The following PPP2R2B variants were observed in gnomAD, a reference collection of about 807,000 sequenced individuals.
PPP2R2B encodes the protein serine/threonine-protein phosphatase 2A 55 kDa regulatory subunit B beta isoform.
In PPP2R2B, 5 loss-of-function variants were observed where a neutral mutation model predicts 46.0. That is an observed-to-expected ratio of 0.11 (90% CI 0.06 to 0.23). The LOEUF is 0.23. Ranked by LOEUF, PPP2R2B falls within the 10% of genes least tolerant of loss-of-function variation. PPP2R2B has a pLI of 1.00. For missense variants in PPP2R2B, 367 were observed against 575.0 expected (o/e 0.64, Z 3.70); for synonymous variants, 215 against 206.7 (o/e 1.04, Z -0.34).
chr5:146,973,464 G>A (rs534805199), intron 1 of PPP2R2B, among the ~76,000 whole-genome samples: 6 of 152,316 alleles, frequency 3.9e-5, no homozygotes, highest in South Asian at 2.1e-4. Context: ...AGCAGCAGCC[G>A]AAGGGCAGCG....
chr5:147,028,423 G>C (rs1447721478), intron 1 of PPP2R2B, among the ~76,000 whole-genome samples: 1 of 151,874 alleles, frequency 6.6e-6, no homozygotes, highest in African/African-American at 2.4e-5. Context: ...AACACCTTTG[G>C]ATTCCTACCT....
chr5:146,621,605 G>T (rs80172036), intron 7 of PPP2R2B, among the ~76,000 whole-genome samples: 2 of 152,160 alleles, frequency 1.3e-5, no homozygotes, highest in African/African-American at 4.8e-5. Context: ...GAATTAACCA[G>T]AGTGGAGCCA....
intron 1 of PPP2R2B, among the ~76,000 whole-genome samples, chr5:146,982,412 C>T (rs555167514): frequency 2.6e-5 from 4 of 152,242 alleles, no homozygotes; most frequent in Admixed American, 6.5e-5. Flanking sequence ...GAACACCCTC[C>T]ATATGATTTT....
intron 2 of PPP2R2B, among the ~76,000 whole-genome samples, chr5:146,753,148 C>G (rs10055373): frequency 0.024 from 3,691 of 152,242 alleles, 136 homozygotes; most frequent in African/African-American, 0.085. Context: ...TGCTCCATGA[C>G]AGAACTAGGG....
At chr5:146,622,988 C>A (rs1581739262) in intron 7 of PPP2R2B, among the ~76,000 whole-genome samples, 1 of 152,268 alleles carries the variant, frequency 6.6e-6, no homozygotes, top group East Asian at 1.9e-4. Context: ...TACATATCAC[C>A]TTTTATCTGA....
rs1302861354 is a variant in PPP2R2B at position 146,911,553 on chromosome 5, C to T, written c.79+144112G>A. On this transcript the variant is annotated intron_variant, in intron 1 of 8. Coordinates refer to the PPP2R2B transcript ENST00000336640. ...CAGTAGCCTGCAATCAGTAGGTGCA[C>T]AATAAGTAATTGTTTAAAGAAGGAT... Among the ~76,000 whole-genome samples, 3 of 152,158 alleles carry T rather than the reference C, an allele frequency of 2.0e-5. No individual in the cohort carries two copies. In the East Asian group the frequency reaches 5.8e-4, roughly 29 times the overall value.
intron 1 of PPP2R2B, among the ~76,000 whole-genome samples, chr5:147,046,957 A>T (rs1475600991): frequency 1.3e-5 from 2 of 152,102 alleles, no homozygotes; most frequent in Non-Finnish European, 1.5e-5. Flanking sequence ...TAAGATGGGG[A>T]CATACTTCCC....
intron 2 of PPP2R2B, among the ~76,000 whole-genome samples, chr5:146,808,358 T>C (rs556710140): frequency 1.8e-4 from 28 of 152,356 alleles, no homozygotes; most frequent in African/African-American, 6.7e-4. Context: ...CAGAGCAAGT[T>C]CTATTGCATA....
intron 2 of PPP2R2B, among the ~76,000 whole-genome samples, chr5:146,754,670 T>G (rs983663385): frequency 1.3e-5 from 2 of 150,704 alleles, no homozygotes; most frequent in African/African-American, 5.0e-5. Flanking sequence ...TCCTTCTTGA[T>G]CTCTCTCTTT....
chr5:146,997,834 T>A (rs1202221301), intron 1 of PPP2R2B, among the ~76,000 whole-genome samples: 2 of 152,088 alleles, frequency 1.3e-5, no homozygotes, highest in Non-Finnish European at 2.9e-5. Flanking sequence ...GGTAAAAAAA[T>A]TCAGGTAATT....
intron 2 of PPP2R2B, among the ~76,000 whole-genome samples, chr5:146,723,265 T>C (rs1453768418): frequency 6.6e-6 from 1 of 152,192 alleles, no homozygotes; most frequent in Non-Finnish European, 1.5e-5. Flanking sequence ...ACATCCTCTT[T>C]GTTGGTCTCC....
chr5:146,908,194 G>A (rs1236981427), intron 1 of PPP2R2B, among the ~76,000 whole-genome samples: 1 of 152,164 alleles, frequency 6.6e-6, no homozygotes, highest in East Asian at 1.9e-4. Flanking sequence ...AAACACTTCT[G>A]TGATACACCA....
intron 2 of PPP2R2B, among the ~76,000 whole-genome samples, chr5:146,812,789 GTGTGTATATA>G (rs1295753043): frequency 7.8e-4 from 5 of 6,416 alleles, no homozygotes; most frequent in African/African-American, 2.6e-3. Flanking sequence ...GTGTGTATAT[GTGTGTATATA>G]TATATATATA....
intron 1 of PPP2R2B, among the ~76,000 whole-genome samples, chr5:146,891,732 T>A (rs1384802283): frequency 6.6e-6 from 1 of 152,198 alleles, no homozygotes; most frequent in African/African-American, 2.4e-5. Context: ...AACCACAATG[T>A]AAAAATGTAG....
chr5:146,639,732 A>G (rs1561794794), intron 6 of PPP2R2B, among the ~76,000 whole-genome samples: 1 of 151,994 alleles, frequency 6.6e-6, no homozygotes, highest in Non-Finnish European at 1.5e-5. Flanking sequence ...TTTACTTAAC[A>G]TTTTTCTTTC....
At chr5:146,905,653 T>A (rs1392396145) in intron 1 of PPP2R2B, among the ~76,000 whole-genome samples, 2 of 152,228 alleles carry the variant, frequency 1.3e-5, no homozygotes, top group African/African-American at 4.8e-5. Flanking sequence ...AATGTAATAC[T>A]ACTTAGCAAT....
At chr5:146,711,497 T>C (rs1780210857) in intron 2 of PPP2R2B, among the ~76,000 whole-genome samples, 1 of 152,166 alleles carries the variant, frequency 6.6e-6, no homozygotes, top group African/African-American at 2.4e-5. Flanking sequence ...AAATAATAGA[T>C]CTTGTCCTAA....
chr5:146,776,290 G>C (rs1327685091), intron 2 of PPP2R2B, among the ~76,000 whole-genome samples: 1 of 152,042 alleles, frequency 6.6e-6, no homozygotes, highest in Non-Finnish European at 1.5e-5. Flanking sequence ...ATGTGGTACA[G>C]GGATAACAAC....
At chr5:146,916,977 T>C (rs977093299) in intron 1 of PPP2R2B, among the ~76,000 whole-genome samples, 2 of 152,148 alleles carry the variant, frequency 1.3e-5, no homozygotes, top group African/African-American at 2.4e-5. Flanking sequence ...CCAAAGGTAT[T>C]TTTGTGAGAA....
Sources: allele counts gnomAD v4.1 joint callset (sites outside exome capture counted in the v4.1 genomes callset), GRCh38; gene constraint gnomAD v4.1.1; transcripts MANE v1.5; gene names NCBI Gene and HGNC (gene_info 2026-07-23, HGNC 2026-07-21).